GPM6A: variants seen among roughly 807,000 people sequenced by gnomAD.
GPM6A encodes glycoprotein M6A, also known as neuronal membrane glycoprotein M6-a.
Under a neutral mutation model 32.1 loss-of-function variants are expected in GPM6A, and 7 were observed. That is an observed-to-expected ratio of 0.22 (90% CI 0.12 to 0.41). GPM6A has a LOEUF of 0.41. GPM6A is among the 10% of genes least tolerant of loss of function. GPM6A has a pLI of 1.00. For missense variants in GPM6A, 235 were observed against 347.2 expected (o/e 0.68, Z 2.57); for synonymous variants, 130 against 123.4 (o/e 1.05, Z -0.35).
At chr4:175,663,855 G>C (rs138658813) in intron 3 of GPM6A, among the ~76,000 whole-genome samples, 3 of 151,708 alleles carry the variant, frequency 2.0e-5, no homozygotes, top group Non-Finnish European at 4.4e-5. Context: ...CACTACGCCC[G>C]GCTAATTTTT....
rs756353638 is a variant in GPM6A, at chr4:175,634,926, C to T, written c.816G>A (p.Glu272=). The change falls in exon 7 of 7, where the codon GAG becomes GAA. Residue 272 remains glutamate, a synonymous_variant. Transcript: ENST00000393658. ...GCATTTATGTGTATGCATTGAGCCG[C>T]TCTTTGGAGCGAGTAGAGTGGATGT... The part of the protein sequence containing the change: ...LHDIHSTRSK[E]RLNAYT 6.2e-7 allele frequency: 1 copy of T among 1,613,868 alleles called. No individual in the cohort carries two copies. The highest frequency in any genetic ancestry group is 8.5e-7 in the Non-Finnish European group (1 of 1,179,812).
At chr4:175,709,299 GTC>G (rs754041265) in intron 1 of GPM6A, among the ~76,000 whole-genome samples, 114 of 134,176 alleles carry the variant, frequency 8.5e-4, no homozygotes, top group Non-Finnish European at 8.3e-4. Context: ...TTCTCTCTCT[GTC>G]TCTCTCTCTC....
At chr4:175,825,513 A>C (rs892471665) in intron 1 of GPM6A, among the ~76,000 whole-genome samples, 1 of 152,194 alleles carries the variant, frequency 6.6e-6, no homozygotes, top group Non-Finnish European at 1.5e-5. Context: ...AAATAAACAA[A>C]TACATTAAGG....
intron 1 of GPM6A, among the ~76,000 whole-genome samples, chr4:175,710,781 A>G (rs1745483250): frequency 6.6e-6 from 1 of 152,144 alleles, no homozygotes; most frequent in African/African-American, 2.4e-5. Flanking sequence ...TTTTGTTACT[A>G]TTATTGTTCT....
intron 1 of GPM6A, among the ~76,000 whole-genome samples, chr4:175,955,535 A>G (rs1739957235): frequency 6.6e-6 from 1 of 152,216 alleles, no homozygotes; most frequent in African/African-American, 2.4e-5. Flanking sequence ...GTTAGCTATC[A>G]TATATTTTCA....
At chr4:175,927,411 A>G (rs1738878618) in intron 1 of GPM6A, among the ~76,000 whole-genome samples, 1 of 152,236 alleles carries the variant, frequency 6.6e-6, no homozygotes, top group Non-Finnish European at 1.5e-5. Context: ...TTTTTTTAAT[A>G]GCTAGAAGAG....
At chr4:175,723,300 G>A (rs1011856471) in intron 1 of GPM6A, among the ~76,000 whole-genome samples, 37 of 152,136 alleles carry the variant, frequency 2.4e-4, no homozygotes, top group Non-Finnish European at 7.4e-5. Flanking sequence ...TGAGGGACTT[G>A]GATTCCATTT....
intron 1 of GPM6A, among the ~76,000 whole-genome samples, chr4:175,917,970 T>C (rs1282231740): frequency 2.6e-5 from 4 of 152,096 alleles, no homozygotes; most frequent in African/African-American, 7.2e-5. Flanking sequence ...AAAAAGTCTA[T>C]CTCATTTTAA....
chr4:175,807,313 A>G (rs1734733812), intron 1 of GPM6A: 1 of 152,226 alleles, frequency 6.6e-6, no homozygotes, highest in Admixed American at 6.5e-5. Context: ...GAAATTTAAT[A>G]CATTAAATAT....
intron 3 of GPM6A, among the ~76,000 whole-genome samples, chr4:175,669,492 C>T (rs879717787): frequency 3.3e-5 from 5 of 152,258 alleles, no homozygotes; most frequent in Non-Finnish European, 5.9e-5. Context: ...CTCCAATGAA[C>T]ATTTCCTTTG....
chr4:175,721,038 TA>T (rs1746092260), intron 1 of GPM6A, among the ~76,000 whole-genome samples: 1 of 126,392 alleles, frequency 7.9e-6, no homozygotes, highest in African/African-American at 2.9e-5. Context: ...AGTACATATA[TA>T]TTATATATAT....
At chr4:175,720,750 G>T (rs370958496) in intron 1 of GPM6A, among the ~76,000 whole-genome samples, 1 of 152,066 alleles carries the variant, frequency 6.6e-6, no homozygotes, top group East Asian at 1.9e-4. Context: ...CTACCCTTCA[G>T]TTTCAACATG....
At chr4:175,637,886 TA>T (rs1390785550) in intron 6 of GPM6A, among the ~76,000 whole-genome samples, 4 of 86,810 alleles carry the variant, frequency 4.6e-5, no homozygotes, top group Non-Finnish European at 7.8e-5. Flanking sequence ...ATTTATATAT[TA>T]TATATATATA....
At chr4:175,964,693 C>T (rs1258854020) in intron 1 of GPM6A, among the ~76,000 whole-genome samples, 1 of 152,196 alleles carries the variant, frequency 6.6e-6, no homozygotes, top group African/African-American at 2.4e-5. Context: ...AAGACCCTCT[C>T]TCCAAATACA....
intron 6 of GPM6A, among the ~76,000 whole-genome samples, chr4:175,639,787 G>GA (rs565409793): frequency 2.7e-5 from 4 of 150,770 alleles, no homozygotes; most frequent in Middle Eastern, 3.4e-3. Context: ...CTTAGCTAAG[G>GA]AAAAAAAAGT....
At position 175,701,705 on chromosome 4, in the gene GPM6A, T is replaced by A; in HGVS notation, c.100A>T (p.Ile34Phe). The change falls in exon 2 of 7, where the codon ATC becomes TTC. Residue 34 changes from isoleucine to phenylalanine, a missense_variant. Transcript: ENST00000393658. ...GIPYASLIAT[I>F]LLYAGVALFC... Reference sequence around the variant, plus strand: ...AGGGCAACACCCGCATAGAGCAGGATGGTGGCAATCAGAGAGGCATAGGGA... The same window carrying A: ...AGGGCAACACCCGCATAGAGCAGGAAGGTGGCAATCAGAGAGGCATAGGGA... 1 of 1,613,896 alleles carries A rather than the reference T, an allele frequency of 6.2e-7. No individual in the cohort carries two copies. The highest frequency in any genetic ancestry group is 8.5e-7 in the Non-Finnish European group (1 of 1,179,806).
chr4:175,774,811 A>G (rs895231356), intron 1 of GPM6A, among the ~76,000 whole-genome samples: 1 of 152,092 alleles, frequency 6.6e-6, no homozygotes, highest in East Asian at 1.9e-4. Context: ...TTAACAAATC[A>G]CTATAAAAAC....
At chr4:175,769,183 T>C (rs1733092286) in intron 1 of GPM6A, among the ~76,000 whole-genome samples, 1 of 152,202 alleles carries the variant, frequency 6.6e-6, no homozygotes, top group African/African-American at 2.4e-5. Flanking sequence ...AATTGAAAGG[T>C]AGTTTATTAA....
intron 1 of GPM6A, among the ~76,000 whole-genome samples, chr4:175,765,057 A>C (rs1732908188): frequency 6.6e-6 from 1 of 151,960 alleles, no homozygotes; most frequent in Non-Finnish European, 1.5e-5. Flanking sequence ...TATTTTTAGC[A>C]GAGATGTGTT....
Sources: gnomAD v4.1 joint callset for allele counts (sites outside exome capture counted in the v4.1 genomes callset) on GRCh38, gnomAD v4.1.1 for gene constraint, MANE v1.5 for transcripts, NCBI Gene and HGNC (gene_info 2026-07-23, HGNC 2026-07-21) for gene names.